PLEKHH2: variants seen among roughly 807,000 people sequenced by gnomAD.
PLEKHH2 encodes pleckstrin homology domain-containing family H member 2.
PLEKHH2 carries 129 observed loss-of-function variants against 187.9 expected under a neutral mutation model. The observed-to-expected ratio is 0.69, with a 90% CI of 0.59 to 0.79. The LOEUF is 0.79. PLEKHH2 is among the 30% of genes least tolerant of loss of function. The probability of loss-of-function intolerance (pLI) is 0.00; values close to 1 mark genes in which losing one functional copy is unlikely to be tolerated. For missense variants in PLEKHH2, 2,076 were observed against 1,751.2 expected (o/e 1.19, Z -3.31); for synonymous variants, 686 against 605.6 (o/e 1.13, Z -1.95).
chr2:43,694,527 A>C lies in PLEKHH2; in HGVS notation c.420+13A>C. On this transcript the variant is annotated intron_variant, in intron 5 of 29. Coordinates refer to ENST00000282406, the MANE Select transcript of PLEKHH2 (RefSeq NM_172069.4). ...TAAGTTAAATGAGGTATTTATTGCT[A>C]TATGTTTTCCTTTTCTTTACCTTTT... is the stretch of plus-strand genomic sequence containing the variant. 6.5e-7 allele frequency: 1 copy of C among 1,529,766 alleles called. No homozygotes were observed. The highest frequency in any genetic ancestry group is 8.8e-7 in the Non-Finnish European group (1 of 1,133,558). The allele number at this position is 1,529,766 out of a possible 1,614,324, so 94.8% of individuals were successfully genotyped here.
In PLEKHH2 at chr2:43,766,605, A is replaced by G. The variant is rs146253257; in HGVS notation, c.*1007A>G. On this transcript the variant is annotated 3_prime_UTR_variant, in exon 30 of 30. Coordinates refer to ENST00000282406, the MANE Select transcript of PLEKHH2 (RefSeq NM_172069.4). Reference sequence around the variant, plus strand: ...CACCACACCTGGCTCCAGAAATTTTATTTTATTTTTTTGAGGCAGGGTCTC... The same window carrying G: ...CACCACACCTGGCTCCAGAAATTTTGTTTTATTTTTTTGAGGCAGGGTCTC... 2.0e-5 allele frequency: 3 copies of G among 150,994 alleles called. No homozygotes were observed. The East Asian group carries it at 5.9e-4, about 30-fold the overall frequency. The allele number at this position is 150,994 out of a possible 1,614,324, so 9.4% of individuals were successfully genotyped here.
intron 8 of PLEKHH2, among the ~76,000 whole-genome samples, chr2:43,701,011 T>G (rs1398788617): frequency 6.6e-6 from 1 of 152,234 alleles, no homozygotes; most frequent in African/African-American, 2.4e-5. Context: ...TAAAATTTCT[T>G]CTTCTCTTCC....
intron 24 of PLEKHH2, among the ~76,000 whole-genome samples, chr2:43,751,257 G>A (rs372399128): frequency 2.6e-5 from 4 of 152,330 alleles, no homozygotes; most frequent in African/African-American, 9.6e-5. Context: ...TTGCAGAGTG[G>A]TGACTTCTGA....
At chr2:43,678,070 C>T (rs541030024) in intron 2 of PLEKHH2, among the ~76,000 whole-genome samples, 11 of 150,976 alleles carry the variant, frequency 7.3e-5, no homozygotes, top group East Asian at 2.0e-4. Context: ...ACCTCCCAGA[C>T]GGGGTCGCGG....
rs773009001 is a variant in PLEKHH2 at position 43,700,328 on chromosome 2, A to T, written c.1370A>T (p.His457Leu). 6.2e-7 allele frequency: 1 copy of T among 1,614,184 alleles called. No individual in the cohort carries two copies. Among genetic ancestry groups the T allele is most frequent in the East Asian group, 2.2e-5 (1 of 44,878 alleles). Residue 457 changes from histidine (H) to leucine (L), a missense_variant, in exon 8 of 30, where the codon CAC becomes CTC. Physicochemically the swap from His to Leu is moderately conservative, Grantham distance 99 (BLOSUM62 -3). Coordinates refer to ENST00000282406, the MANE Select transcript of PLEKHH2 (RefSeq NM_172069.4). ...FSISVALAKR[H>L]LSQPQLSSDR... Reference sequence around the variant, plus strand: ...ATAAGTGTAGCACTAGCCAAAAGGCACTTAAGCCAGCCACAGTTAAGCTCT... The same window carrying T: ...ATAAGTGTAGCACTAGCCAAAAGGCTCTTAAGCCAGCCACAGTTAAGCTCT...
At chr2:43,647,645 C>G (rs1183496876) in intron 2 of PLEKHH2, among the ~76,000 whole-genome samples, 5 of 152,140 alleles carry the variant, frequency 3.3e-5, no homozygotes, top group African/African-American at 1.2e-4. Context: ...TAAGTGCCAA[C>G]TCGAGTCAAA....
At chr2:43,685,577 G>T (rs1289158843) in intron 3 of PLEKHH2, among the ~76,000 whole-genome samples, 1 of 150,306 alleles carries the variant, frequency 6.7e-6, no homozygotes, top group African/African-American at 2.4e-5. Context: ...GCAGGCATGT[G>T]CCACCACACC....
chr2:43,758,667 C>G (rs765132414), intron 26 of PLEKHH2, among the ~76,000 whole-genome samples: 2 of 152,082 alleles, frequency 1.3e-5, no homozygotes, highest in Non-Finnish European at 2.9e-5. Flanking sequence ...CTGTGGGTAC[C>G]TAGTTCATGC....
rs1668191521 is a variant in PLEKHH2, at chr2:43,681,602, A to G, written c.186+2677A>G. 6 of 767,296 alleles carry G rather than the reference A, an allele frequency of 7.8e-6. No individual in the cohort carries two copies. The Admixed American group carries it at 1.3e-4, about 16-fold the overall frequency. 47.5% of individuals were successfully genotyped at this position (767,296 alleles called of 1,614,324 possible). A position where few individuals can be genotyped will look rare whatever the true frequency, so the allele number is the denominator to read the frequency against. The stretch of plus-strand genomic sequence containing the variant: ...ACTCATGACTAGTGCCTCTTTTTGG[A>G]GCTGTACACGATATGACACAATATG... On this transcript the variant is annotated intron_variant, in intron 3 of 29. Coordinates refer to ENST00000282406, the MANE Select transcript of PLEKHH2 (RefSeq NM_172069.4).
At chr2:43,713,393 G>T (rs975975) in intron 15 of PLEKHH2, among the ~76,000 whole-genome samples, 22,572 of 151,920 alleles carry the variant, frequency 0.15, 1,981 homozygotes, top group Non-Finnish European at 0.2. Flanking sequence ...TCATAATAAA[G>T]AAAAATTGGG....
At chr2:43,697,792 A>G (rs1041591596) in intron 7 of PLEKHH2, among the ~76,000 whole-genome samples, 4 of 152,192 alleles carry the variant, frequency 2.6e-5, no homozygotes, top group African/African-American at 9.6e-5. Context: ...CATGAAATTA[A>G]ACATTGGCAT....
At chr2:43,707,262 A>C in intron 10 of PLEKHH2, 139 bp from the exon 11 acceptor site, 2 of 824,968 alleles carry the variant, frequency 2.4e-6, no homozygotes, top group African/African-American at 1.7e-5. Flanking sequence ...TTATCTAAAA[A>C]GAGTGATAAC....
intron 3 of PLEKHH2, among the ~76,000 whole-genome samples, chr2:43,690,979 A>G (rs1431049090): frequency 6.6e-6 from 1 of 152,246 alleles, no homozygotes; most frequent in Non-Finnish European, 1.5e-5. Context: ...AGGTTGGCAA[A>G]CACAATATGC....
At chr2:43,650,345 C>G (rs546297319) in intron 2 of PLEKHH2, among the ~76,000 whole-genome samples, 1 of 151,852 alleles carries the variant, frequency 6.6e-6, no homozygotes, top group Non-Finnish European at 1.5e-5. Context: ...GTTGGCCAGG[C>G]TGGTCTCAAA....
At chr2:43,668,864 G>T (rs543602748) in intron 2 of PLEKHH2, among the ~76,000 whole-genome samples, 1 of 152,130 alleles carries the variant, frequency 6.6e-6, no homozygotes, top group Non-Finnish European at 1.5e-5. Context: ...GTTGTTACCC[G>T]AAGAGTTAAT....
intron 2 of PLEKHH2, among the ~76,000 whole-genome samples, chr2:43,660,613 T>G (rs1363488568): frequency 4.2e-5 from 2 of 47,242 alleles, no homozygotes; most frequent in Non-Finnish European, 8.2e-5. Context: ...ATGCCACCCC[T>G]CCCCCCTCCC....
chr2:43,656,557 A>G (rs994013589), intron 2 of PLEKHH2, among the ~76,000 whole-genome samples: 10 of 131,008 alleles, frequency 7.6e-5, no homozygotes, highest in Admixed American at 2.2e-4. Flanking sequence ...GATTATCTTT[A>G]CAGATCTACA....
intron 7 of PLEKHH2, among the ~76,000 whole-genome samples, chr2:43,698,706 C>G (rs958980875): frequency 1.3e-5 from 2 of 152,160 alleles, no homozygotes; most frequent in South Asian, 4.2e-4. Context: ...TTTGTTCAGC[C>G]TCTAGTTCCT....
Position 43,712,371 on chromosome 2 carries a change from A to T in PLEKHH2, c.2448A>T (p.Gly816=). The change falls in exon 15 of 30, where the codon GGA becomes GGT. Residue 816 remains glycine (G), a synonymous_variant. Transcript: ENST00000282406. The stretch of plus-strand genomic sequence containing the variant: ...CTGAGGGCAAACCCACCATGAAGGG[A>T]TTGCTCACTAAGGTAGGAACCTCCT... ...LQPEGKPTMK[G]LLTKVKHGYS... 2 of 1,614,102 alleles carry T rather than the reference A, an allele frequency of 1.2e-6. No homozygotes were observed. The highest frequency in any genetic ancestry group is 1.7e-6 in the Non-Finnish European group (2 of 1,180,014).
Sources: gnomAD v4.1 joint callset for allele counts (sites outside exome capture counted in the v4.1 genomes callset) on GRCh38, gnomAD v4.1.1 for gene constraint, MANE v1.5 for transcripts, NCBI Gene and HGNC (gene_info 2026-07-23, HGNC 2026-07-21) for gene names.